Variants in CETP observed in about 807,000 individuals in gnomAD.
The protein encoded by CETP is BPI fold containing family F.
Under a neutral mutation model 66.5 loss-of-function variants are expected in CETP, and 56 were observed. The observed-to-expected ratio is 0.84, with a 90% CI of 0.68 to 1.05. CETP has a LOEUF of 1.05. Ranked by LOEUF, CETP falls within the 50% of genes least tolerant of loss-of-function variation. The pLI is 0.00. For synonymous variants in CETP, 251 were observed against 245.7 expected (o/e 1.02, Z -0.20); for missense variants, 612 against 609.6 (o/e 1.00, Z -0.04).
intron 8 of CETP, 76 bp from the exon 9 acceptor site, chr16:56,973,255 C>T (rs577324229): frequency 3.4e-5 from 51 of 1,490,458 alleles, no homozygotes; most frequent in East Asian, 1.1e-4. Flanking sequence ...GCTGGGGCTC[C>T]TCCCAATCTC....
chr16:56,982,722 G>A (rs2056198057), intron 14 of CETP, among the ~76,000 whole-genome samples: 1 of 152,212 alleles, frequency 6.6e-6, no homozygotes, highest in Non-Finnish European at 1.5e-5. Flanking sequence ...TGTGCTGGGG[G>A]TATTTTGGAC....
intron 11 of CETP, 40 bp downstream of exon 11, chr16:56,978,295 G>A (rs1165440268): frequency 1.2e-6 from 2 of 1,613,602 alleles, no homozygotes; most frequent in Admixed American, 3.3e-5. Context: ...GGGGGAACCT[G>A]ACTCACATAT....
intron 9 of CETP, among the ~76,000 whole-genome samples, chr16:56,974,527 A>G (rs2056136009): frequency 6.6e-6 from 1 of 152,222 alleles, no homozygotes; most frequent in African/African-American, 2.4e-5. Context: ...AGACAGAGTG[A>G]TCAATAGATT....
Position 56,983,406 on chromosome 16 carries a change from C to T in CETP, c.1402C>T (p.Arg468Ter), listed in dbSNP as rs577301331. The change falls in exon 15 of 16, where the codon CGA becomes TGA. Residue 468 changes from arginine (R) to a stop codon, truncating the protein, a stop_gained. Transcript: ENST00000200676. LOFTEE classifies it high-confidence loss of function. ...FDIINPEIIT[R>*]DGFLLLQMDF... ...CATCATCAACCCTGAGATTATCACT[C>T]GAGATGTGAGTACAAAGCCCCCCTC... 37 of 1,614,140 alleles carry T rather than the reference C, an allele frequency of 2.3e-5. No individual in the cohort carries two copies. The Middle Eastern group carries it at 4.9e-4, about 22-fold the overall frequency.
chr16:56,971,022 G>T lies in CETP; in HGVS notation c.528-11G>T, dbSNP rs2056105721. 6.8e-6 allele frequency: 11 copies of T among 1,613,894 alleles called. No homozygotes were observed. The highest frequency in any genetic ancestry group is 1.3e-5 in the African/African-American group (1 of 74,950). ...TGGTCAGGGGCTCATTGTGGTGCTTGCTGCCTTCAGGCCTGGGTGGATCAA... is the reference window on the plus strand; with the variant it reads ...TGGTCAGGGGCTCATTGTGGTGCTTTCTGCCTTCAGGCCTGGGTGGATCAA... On this transcript the variant is annotated splice_polypyrimidine_tract_variant and intron_variant, in intron 5 of 15. Coordinates refer to ENST00000200676, the MANE Select transcript of CETP (RefSeq NM_000078.3).
rs1025968572 is a variant in CETP at position 56,981,687 on chromosome 16, A to G, written c.1248+7A>G. The stretch of plus-strand genomic sequence containing the variant: ...TGTTTCCAACTTGACTGAGGTAGGT[A>G]GTCTTGGATAGACTGGGGGAAATAA... On this transcript the variant is annotated splice_region_variant and intron_variant, in intron 13 of 15. Transcript: ENST00000200676. 1.2e-6 allele frequency: 2 copies of G among 1,613,798 alleles called. No homozygotes were observed. Among genetic ancestry groups the G allele is most frequent in the Non-Finnish European group, 1.7e-6 (2 of 1,179,662 alleles).
chr16:56,965,445 T>G (rs1447696810), intron 2 of CETP, among the ~76,000 whole-genome samples: 1 of 152,218 alleles, frequency 6.6e-6, no homozygotes, highest in Admixed American at 6.5e-5. Flanking sequence ...TGGATTCTCC[T>G]TGCTGGGCAC....
rs745624418 is a variant in CETP, at chr16:56,969,688, G to GTCAAGC, written c.439+8_439+13dup. On this transcript the variant is annotated splice_region_variant and intron_variant, in intron 4 of 15. Transcript: ENST00000200676. ...CAGATCAACACACAGCTGAGTATGTGTCAAGCGTCCTCTGGGGAAGTGGGA... is the reference window on the plus strand; with the variant it reads ...CAGATCAACACACAGCTGAGTATGTGTCAAGCTCAAGCGTCCTCTGGGGAAGTGGGA... The GTCAAGC allele has an allele frequency of 1.2e-5, 20 of 1,613,622 alleles. No individual in the cohort carries two copies. The East Asian group carries it at 4.2e-4, about 34-fold the overall frequency.
At chr16:56,974,387 T>TA (rs2056135133) in intron 9 of CETP, among the ~76,000 whole-genome samples, 1 of 152,194 alleles carries the variant, frequency 6.6e-6, no homozygotes, top group Non-Finnish European at 1.5e-5. Flanking sequence ...AGGTTGAGGC[T>TA]GCAGTGAGCT....
chr16:56,980,244 G>GTTGTTTGT (rs1247474408), intron 11 of CETP, among the ~76,000 whole-genome samples: 1 of 152,038 alleles, frequency 6.6e-6, no homozygotes, highest in African/African-American at 2.4e-5. Flanking sequence ...CTTTTTTGTT[G>GTTGTTTGT]TTGTTTGTTT....
intron 10 of CETP, among the ~76,000 whole-genome samples, chr16:56,975,886 C>T (rs1342854330): frequency 2.0e-5 from 3 of 152,184 alleles, no homozygotes; most frequent in African/African-American, 2.4e-5. Flanking sequence ...AACTTCCCCC[C>T]CACGTCGCTG....
chr16:56,975,880 T>TC (rs572885305), intron 10 of CETP, among the ~76,000 whole-genome samples: 267 of 151,516 alleles, frequency 1.8e-3, no homozygotes, highest in African/African-American at 6.2e-3. Context: ...CAACAGAACT[T>TC]CCCCCCCACG....
At chr16:56,967,802 C>CA (rs1225129337) in intron 2 of CETP, among the ~76,000 whole-genome samples, 3 of 151,722 alleles carry the variant, frequency 2.0e-5, no homozygotes, top group African/African-American at 4.8e-5. Flanking sequence ...CCAATCTGCA[C>CA]AAAAAAGACA....
intron 12 of CETP, 94 bp downstream of exon 12, chr16:56,981,319 A>G: frequency 9.6e-7 from 1 of 1,040,636 alleles, no homozygotes; most frequent in Non-Finnish European, 1.5e-6. Flanking sequence ...TGGTGGGGAA[A>G]TGTGGCCCCT....
At chr16:56,982,782 C>T (rs960548759) in intron 14 of CETP, among the ~76,000 whole-genome samples, 1 of 152,214 alleles carries the variant, frequency 6.6e-6, no homozygotes, top group Non-Finnish European at 1.5e-5. Context: ...GTATGTTGAG[C>T]TGACTGTGCT....
At chr16:56,981,136 CA>C (rs1448093147) in intron 11 of CETP, 21 bp from the exon 12 acceptor site, 2 of 1,595,024 alleles carry the variant, frequency 1.3e-6, no homozygotes, top group Non-Finnish European at 1.7e-6. Flanking sequence ...TGGCTCACAG[CA>C]AATTTGGTTT....
At position 56,982,202 on chromosome 16, in the gene CETP, T is replaced by C. The variant is rs775013327; in HGVS notation, c.1286T>C (p.Met429Thr). 3 of 1,614,136 alleles carry C rather than the reference T, an allele frequency of 1.9e-6. No individual in the cohort carries two copies. The African/African-American group carries it at 4.0e-5, about 22-fold the overall frequency. ...TCCGTCCAGAGCTTCCTGCAGTCAA[T>C]GATCACCGCTGTGGGCATCCCTGAG... The part of the protein sequence containing the change: ...SESVQSFLQS[M>T]ITAVGIPEVM... Residue 429 changes from methionine to threonine, a missense_variant, in exon 14 of 16, where the codon ATG becomes ACG. Transcript: ENST00000200676.
chr16:56,978,244 A>G lies in CETP; in HGVS notation c.1135A>G (p.Thr379Ala), dbSNP rs149523722. The change falls in exon 11 of 16, where the codon ACA becomes GCA. Residue 379 changes from threonine to alanine, a missense_variant. Thr to Ala is a moderately conservative substitution (Grantham distance 58). Transcript: ENST00000200676. ...RPDQQHSVAY[T>A]FEEDIVTTVQ... Reference sequence around the variant, plus strand: ...AGACCAGCAACATTCTGTAGCTTACACATTTGAAGAGGTGAGGCGGGTGCA... The same window carrying G: ...AGACCAGCAACATTCTGTAGCTTACGCATTTGAAGAGGTGAGGCGGGTGCA... 7.4e-6 allele frequency: 12 copies of G among 1,614,006 alleles called. No individual in the cohort carries two copies. In the South Asian group the frequency reaches 9.9e-5, roughly 13 times the overall value.
At chr16:56,968,347 G>T (rs904227491) in intron 2 of CETP, among the ~76,000 whole-genome samples, 1 of 151,980 alleles carries the variant, frequency 6.6e-6, no homozygotes, top group Non-Finnish European at 1.5e-5. Flanking sequence ...CATCATGCCC[G>T]GTTAATTTTT....
Sources: allele counts gnomAD v4.1 joint callset (sites outside exome capture counted in the v4.1 genomes callset), GRCh38; gene constraint gnomAD v4.1.1; transcripts MANE v1.5; gene names NCBI Gene and HGNC (gene_info 2026-07-23, HGNC 2026-07-21).